Variants in ACO1 observed in about 807,000 individuals in gnomAD.
ACO1 encodes the protein aconitase 1.
In ACO1, 78 loss-of-function variants were observed where a neutral mutation model predicts 105.1. The observed-to-expected ratio is 0.74, with a 90% confidence interval of 0.62 to 0.90. The LOEUF (loss-of-function observed/expected upper bound fraction) is 0.90, where lower values mean the gene tolerates loss of function less well. Ranked by LOEUF, ACO1 falls within the 40% of genes least tolerant of loss-of-function variation. The pLI is 0.00. For synonymous variants in ACO1, 364 were observed against 397.4 expected (o/e 0.92, Z 1.00); for missense variants, 965 against 1,111.1 (o/e 0.87, Z 1.87).
chr9:32,423,500 G>T, intron 9 of ACO1, 81 bp downstream of exon 9: 1 of 956,112 alleles, frequency 1.0e-6, no homozygotes. Context: ...TTGGGGGAAT[G>T]CGCTAGTAGG....
chr9:32,430,322 T>C (rs1822197338), intron 13 of ACO1, 96 bp from the exon 14 acceptor site: 3 of 1,289,522 alleles, frequency 2.3e-6, no homozygotes, highest in East Asian at 4.9e-5. Context: ...CTTAAAGGAC[T>C]GTATCCTTGC....
chr9:32,439,157 C>T lies in ACO1; in HGVS notation c.2248-1308C>T, dbSNP rs1416376400. On this transcript the variant is annotated intron_variant, in intron 18 of 20. Transcript: ENST00000309951. The surrounding 1 kb of genome is among the most constrained non-coding windows in gnomAD (Gnocchi z 4.0). ...CTTTGCCATGAGATTGTCAACTTTGCAGTACTTTTTAAAGCACACACTCTC... is the reference window on the plus strand; with the variant it reads ...CTTTGCCATGAGATTGTCAACTTTGTAGTACTTTTTAAAGCACACACTCTC... 6.6e-6 allele frequency among the ~76,000 whole-genome samples: 1 copy of T among 152,134 alleles called. No homozygotes were observed. Among genetic ancestry groups the T allele is most frequent in the Non-Finnish European group, 1.5e-5 (1 of 68,022 alleles).
chr9:32,419,977 C>G (rs771557721), intron 7 of ACO1, among the ~76,000 whole-genome samples: 1 of 152,198 alleles, frequency 6.6e-6, no homozygotes, highest in Non-Finnish European at 1.5e-5. Flanking sequence ...ACATTTCTCT[C>G]TGATTTAATT....
Position 32,418,174 on chromosome 9 carries a change from A to G in ACO1, c.451A>G (p.Arg151Gly). ...TCAAGACCTGGAATTTGAAAGAAAT[A>G]GAGAGCGATTTGAATTTTTAAAGGT... Reference protein sequence around the residue: ...KNQDLEFERNRERFEFLKWGS... With the variant: ...KNQDLEFERNGERFEFLKWGS... The change falls in exon 5 of 21, where the codon AGA (arginine) becomes GGA (glycine). Residue 151 changes from arginine to glycine, a missense_variant. Physicochemically the swap from Arg to Gly is moderately radical, Grantham distance 125. Coordinates refer to ENST00000309951, the MANE Select transcript of ACO1 (RefSeq NM_002197.3). 6.2e-7 allele frequency: 1 copy of G among 1,614,224 alleles called. No homozygotes were observed. The highest frequency in any genetic ancestry group is 8.5e-7 in the Non-Finnish European group (1 of 1,180,034).
chr9:32,404,475 T>A (rs1821563108), intron 1 of ACO1, among the ~76,000 whole-genome samples: 1 of 152,200 alleles, frequency 6.6e-6, no homozygotes, highest in African/African-American at 2.4e-5. Flanking sequence ...AGTTGCCAAC[T>A]TTTATAAGCC....
intron 1 of ACO1, among the ~76,000 whole-genome samples, chr9:32,395,442 T>C (rs563794365): frequency 3.3e-5 from 5 of 151,902 alleles, no homozygotes; most frequent in African/African-American, 7.2e-5. Flanking sequence ...CGCCACTGCA[T>C]TCCAGCCTGG....
At chr9:32,389,386 C>T (rs1361770971) in intron 1 of ACO1, among the ~76,000 whole-genome samples, 1 of 152,170 alleles carries the variant, frequency 6.6e-6, no homozygotes, top group Non-Finnish European at 1.5e-5. Context: ...AAATCAACCC[C>T]TACAGTATGT....
At chr9:32,408,934 G>A (rs1821674364) in intron 4 of ACO1, among the ~76,000 whole-genome samples, 5 of 152,258 alleles carry the variant, frequency 3.3e-5, no homozygotes, top group Middle Eastern at 6.8e-3. Flanking sequence ...ATGAAGTTCT[G>A]CCATGAGAGC....
intron 4 of ACO1, among the ~76,000 whole-genome samples, chr9:32,412,809 G>A (rs1821768187): frequency 6.6e-6 from 1 of 152,152 alleles, no homozygotes; most frequent in African/African-American, 2.4e-5. Flanking sequence ...TCAGAAGTTA[G>A]GAAAGTAGCC....
In ACO1 at chr9:32,450,800, C is replaced by G. The variant is rs1822750007; in HGVS notation, c.*689C>G. On this transcript the variant is annotated 3_prime_UTR_variant, in exon 21 of 21. Transcript: ENST00000309951. The stretch of plus-strand genomic sequence containing the variant: ...GGAGGCGGTTTGGGAGAACACATTT[C>G]TAATTTGAATGAAATGAAATCTATT... 6.6e-6 allele frequency: 1 copy of G among 152,092 alleles called. No individual in the cohort carries two copies. Among genetic ancestry groups the G allele is most frequent in the African/African-American group, 2.4e-5 (1 of 41,394 alleles). 9.4% of individuals were successfully genotyped at this position (152,092 alleles called of 1,614,324 possible).
chr9:32,431,067 C>G (rs1223464628), intron 14 of ACO1, among the ~76,000 whole-genome samples: 1 of 152,168 alleles, frequency 6.6e-6, no homozygotes, highest in Non-Finnish European at 1.5e-5. Flanking sequence ...TTTAGACGTA[C>G]AGTTGATCCT....
intron 1 of ACO1, among the ~76,000 whole-genome samples, chr9:32,393,818 T>C (rs1171048124): frequency 6.6e-6 from 1 of 152,210 alleles, no homozygotes; most frequent in Non-Finnish European, 1.5e-5. Flanking sequence ...TACATAACTC[T>C]GCCTGGATTT....
In ACO1 at chr9:32,425,922, G is replaced by C; in HGVS notation, c.1273G>C (p.Ala425Pro). 6.2e-7 allele frequency: 1 copy of C among 1,614,016 alleles called. No individual in the cohort carries two copies. Among genetic ancestry groups the C allele is most frequent in the Non-Finnish European group, 8.5e-7 (1 of 1,179,948 alleles). ...FIYDNTEFTL[A>P]HGSVVIAAIT... is the part of the protein sequence containing the mutation. Reference sequence around the variant, plus strand: ...CTATGATAACACTGAATTCACCCTTGCTCATGGTTCTGTGGTCATTGCTGC... The same window carrying C: ...CTATGATAACACTGAATTCACCCTTCCTCATGGTTCTGTGGTCATTGCTGC... The change falls in exon 11 of 21, where the codon GCT becomes CCT. Residue 425 changes from alanine (A) to proline (P), a missense_variant. Physicochemically the swap from Ala to Pro is conservative, Grantham distance 27. Transcript: ENST00000309951.
intron 19 of ACO1, among the ~76,000 whole-genome samples, chr9:32,442,527 T>G (rs1822504910): frequency 6.6e-6 from 1 of 152,116 alleles, no homozygotes; most frequent in African/African-American, 2.4e-5. Flanking sequence ...AATTATAGAT[T>G]CCCAATAAAA....
intron 3 of ACO1, among the ~76,000 whole-genome samples, chr9:32,407,689 A>G (rs1017720757): frequency 6.6e-6 from 1 of 152,188 alleles, no homozygotes; most frequent in Admixed American, 6.5e-5. Context: ...CCTTGCTCTT[A>G]AAGATCCTAG....
chr9:32,451,929 T>A lies in ACO1; in HGVS notation c.*1818T>A, dbSNP rs145689621. 2 of 152,120 alleles carry A rather than the reference T, an allele frequency of 1.3e-5. No homozygotes were observed. The highest frequency in any genetic ancestry group is 3.9e-4 in the East Asian group (2 of 5,148). 9.4% of individuals were successfully genotyped at this position (152,120 alleles called of 1,614,324 possible). A position where few individuals can be genotyped will look rare whatever the true frequency, so the allele number is the denominator to read the frequency against. On this transcript the variant is annotated 3_prime_UTR_variant, in exon 21 of 21. Coordinates refer to ENST00000309951, the MANE Select transcript of ACO1 (RefSeq NM_002197.3). ...AATACAAAAAATTAGCCAGGTGTGGTATTGTGTGCCTGTAATCCCAGCTAC... is the reference window on the plus strand; with the variant it reads ...AATACAAAAAATTAGCCAGGTGTGGAATTGTGTGCCTGTAATCCCAGCTAC...
In ACO1 at chr9:32,427,346, C is replaced by T; in HGVS notation, c.1394C>T (p.Pro465Leu). The part of the protein sequence containing the change: ...KAVDAGLNVM[P>L]YIKTSLSPGS... ...GTGGATGCTGGCCTGAACGTGATGC[C>T]TTACATCAAAACTAGCCTGTCTCCT... The change falls in exon 12 of 21, where the codon CCT becomes CTT. Residue 465 changes from proline (P) to leucine (L), a missense_variant. Coordinates refer to ENST00000309951, the MANE Select transcript of ACO1 (RefSeq NM_002197.3). 6.2e-7 allele frequency: 1 copy of T among 1,614,174 alleles called. No homozygotes were observed. Among genetic ancestry groups the T allele is most frequent in the Non-Finnish European group, 8.5e-7 (1 of 1,180,012 alleles).
chr9:32,442,770 G>A (rs1420353294), intron 19 of ACO1, among the ~76,000 whole-genome samples: 1 of 152,090 alleles, frequency 6.6e-6, no homozygotes, highest in Non-Finnish European at 1.5e-5. Flanking sequence ...ATGTAACTTT[G>A]CTAAAACATG....
At chr9:32,392,191 T>C (rs886862614) in intron 1 of ACO1, among the ~76,000 whole-genome samples, 6 of 152,176 alleles carry the variant, frequency 3.9e-5, no homozygotes, top group African/African-American at 1.4e-4. Context: ...GTTAAATGAC[T>C]GTAAAATGAT....
Sources: gnomAD v4.1 joint callset for allele counts (sites outside exome capture counted in the v4.1 genomes callset) on GRCh38, gnomAD v4.1.1 for gene constraint, Gnocchi (gnomAD v3.1) non-coding constraint, MANE v1.5 for transcripts, NCBI Gene and HGNC (gene_info 2026-07-23, HGNC 2026-07-21) for gene names.